Variants in YWHAQ observed in about 807,000 individuals in gnomAD.
YWHAQ encodes tyrosine 3-monooxygenase/tryptophan 5-monooxygenase activation protein theta, also known as 14-3-3 protein theta.
In YWHAQ, 6 loss-of-function variants were observed where a neutral mutation model predicts 28.3. That is an observed-to-expected ratio of 0.21 (90% CI 0.12 to 0.42). The LOEUF (loss-of-function observed/expected upper bound fraction) is 0.42. Ranked by LOEUF, YWHAQ falls within the 10% of genes least tolerant of loss-of-function variation. The probability of loss-of-function intolerance (pLI) is 1.00; values close to 1 mark genes in which losing one functional copy is unlikely to be tolerated. For missense variants in YWHAQ, 201 were observed against 305.6 expected, an observed-to-expected ratio of 0.66 and a Z score of 2.55; for synonymous variants, 143 against 119.1, an observed-to-expected ratio of 1.20 and a Z score of -1.31.
chr2:9,591,392 G>A lies in YWHAQ; in HGVS notation c.418C>T (p.Gln140Ter), dbSNP rs769768341. Residue 140 changes from glutamine to a stop codon, truncating the protein, a stop_gained and splice_region_variant, in exon 3 of 6, where the codon CAA becomes TAA. Coordinates refer to ENST00000238081, the MANE Select transcript of YWHAQ (RefSeq NM_006826.4). LOFTEE classifies it high-confidence loss of function. ...AEVACGDDRK[Q>*]TIDNSQGAYQ... is the part of the protein sequence containing the mutation. ...TTGCCCATATAACAAATAAACTTAC[G>A]TTTTCGATCATCACCACACGCAACT... 3 of 1,606,904 alleles carry A rather than the reference G, an allele frequency of 1.9e-6. No individual in the cohort carries two copies. The highest frequency in any genetic ancestry group is 1.7e-5 in the Admixed American group (1 of 59,810).
Position 9,613,830 on chromosome 2 carries a change from A to G in YWHAQ, c.294+16329T>C, listed in dbSNP as rs371933926. On this transcript the variant is annotated intron_variant, in intron 2 of 5. Transcript: ENST00000238081. ...AACCACGTAAAAAAAATAAAGATGT[A>G]GTTGAGGAAAAATGTTCACCCTGTC... Among the ~76,000 whole-genome samples, 3 of 152,264 alleles carry G rather than the reference A, an allele frequency of 2.0e-5. No individual in the cohort carries two copies. The East Asian group carries it at 5.8e-4, about 29-fold the overall frequency.
chr2:9,627,827 T>C, intron 2 of YWHAQ, among the ~76,000 whole-genome samples: 1 of 152,138 alleles, frequency 6.6e-6, no homozygotes, highest in East Asian at 1.9e-4. Context: ...CGACACACTG[T>C]TCCCCGAACA....
chr2:9,604,100 C>G (rs1405482885), intron 2 of YWHAQ, among the ~76,000 whole-genome samples: 1 of 152,098 alleles, frequency 6.6e-6, no homozygotes, highest in Non-Finnish European at 1.5e-5. Flanking sequence ...TGACCTCTGT[C>G]CAAAGTCAGT....
chr2:9,599,887 T>C (rs1187478171), intron 2 of YWHAQ, among the ~76,000 whole-genome samples: 2 of 152,202 alleles, frequency 1.3e-5, no homozygotes, highest in African/African-American at 2.4e-5. Flanking sequence ...ATAGCTGTCA[T>C]AGACAGTGGT....
At chr2:9,606,131 G>A (rs1666823271) in intron 2 of YWHAQ, among the ~76,000 whole-genome samples, 1 of 152,132 alleles carries the variant, frequency 6.6e-6, no homozygotes, top group Non-Finnish European at 1.5e-5. Flanking sequence ...TTCCAACTAT[G>A]CACCAAATGT....
chr2:9,621,379 G>C (rs1157549986), intron 2 of YWHAQ, among the ~76,000 whole-genome samples: 1 of 152,108 alleles, frequency 6.6e-6, no homozygotes, highest in East Asian at 1.9e-4. Context: ...CAAGACACAG[G>C]CTACACACTA....
In YWHAQ at chr2:9,613,170, T is replaced by C. The variant is rs1260474675; in HGVS notation, c.294+16989A>G. ...AAAATATTTTTTTTAAAAAGTGTTA[T>C]TGGGCCTTCATATGGAGCACTCATT... is the stretch of plus-strand genomic sequence containing the variant. On this transcript the variant is annotated intron_variant, in intron 2 of 5. Coordinates refer to ENST00000238081, the MANE Select transcript of YWHAQ (RefSeq NM_006826.4). Among the ~76,000 whole-genome samples the C allele has an allele frequency of 2.6e-5, 4 of 152,212 alleles. No homozygotes were observed. The East Asian group carries it at 5.8e-4, about 22-fold the overall frequency.
intron 3 of YWHAQ, 32 bp downstream of exon 3, chr2:9,591,360 T>A: frequency 6.3e-7 from 1 of 1,591,804 alleles, no homozygotes; most frequent in Non-Finnish European, 8.6e-7. Context: ...TTTTTTATAT[T>A]CTACTTTTGC....
At chr2:9,613,843 T>G (rs1355434065) in intron 2 of YWHAQ, among the ~76,000 whole-genome samples, 1 of 152,098 alleles carries the variant, frequency 6.6e-6, no homozygotes, top group African/African-American at 2.4e-5. Context: ...TGAGGAAAAA[T>G]GTTCACCCTG....
intron 2 of YWHAQ, among the ~76,000 whole-genome samples, chr2:9,619,165 C>T (rs1390755611): frequency 6.6e-6 from 1 of 152,066 alleles, no homozygotes; most frequent in Non-Finnish European, 1.5e-5. Context: ...AGTTTATAAA[C>T]ATTTACCAGG....
At position 9,620,746 on chromosome 2, in the gene YWHAQ, C is replaced by T. The variant is rs180956284; in HGVS notation, c.294+9413G>A. On this transcript the variant is annotated intron_variant, in intron 2 of 5. Transcript: ENST00000238081. ...TTATCACATCTGTGATTTTCCTGGT[C>T]TTCAAACCTATATTCCTAGGGATAA... 3.9e-5 allele frequency: 6 copies of T among 152,246 alleles called. No homozygotes were observed. In the East Asian group the frequency reaches 9.7e-4, roughly 25 times the overall value. The allele number at this position is 152,246 out of a possible 1,614,324, so 9.4% of individuals were successfully genotyped here. A position where few individuals can be genotyped will look rare whatever the true frequency, so the allele number is the denominator to read the frequency against.
Position 9,630,336 on chromosome 2 carries a change from C to T in YWHAQ, c.117G>A (p.Glu39=), listed in dbSNP as rs372978538. The change falls in exon 2 of 6, where the codon GAG becomes GAA. Residue 39 remains glutamate, a synonymous_variant. Coordinates refer to ENST00000238081, the MANE Select transcript of YWHAQ (RefSeq NM_006826.4). The surrounding 1 kb of genome is among the most constrained non-coding windows in gnomAD (Gnocchi z 5.6). Reference sequence around the variant, plus strand: ...AGGCCACGGAGAGCAGGTTGCGCTCCTCGTTGGACAGCTCGGCGCCCTGCT... The same window carrying T: ...AGGCCACGGAGAGCAGGTTGCGCTCTTCGTTGGACAGCTCGGCGCCCTGCT... The part of the protein sequence containing the change: ...VTEQGAELSN[E]ERNLLSVAYK... 3.1e-6 allele frequency: 5 copies of T among 1,614,034 alleles called. No individual in the cohort carries two copies. The highest frequency in any genetic ancestry group is 3.4e-6 in the Non-Finnish European group (4 of 1,180,036).
At chr2:9,619,332 TG>T (rs1667095019) in intron 2 of YWHAQ, among the ~76,000 whole-genome samples, 1 of 152,196 alleles carries the variant, frequency 6.6e-6, no homozygotes, top group Admixed American at 6.5e-5. Flanking sequence ...AAATCCTACC[TG>T]CTGAGTTATT....
intron 2 of YWHAQ, among the ~76,000 whole-genome samples, chr2:9,624,331 GA>G (rs1326922434): frequency 4.6e-5 from 7 of 152,142 alleles, no homozygotes; most frequent in African/African-American, 1.7e-4. Flanking sequence ...GTGAACTGTA[GA>G]GTTTGAACAG....
At chr2:9,596,965 C>CA (rs1368147206) in intron 2 of YWHAQ, among the ~76,000 whole-genome samples, 4 of 151,310 alleles carry the variant, frequency 2.6e-5, no homozygotes, top group African/African-American at 9.7e-5. Context: ...ATCAGTAAAA[C>CA]AAAAAAGGGA....
intron 2 of YWHAQ, among the ~76,000 whole-genome samples, chr2:9,607,031 C>T (rs981803240): frequency 2.0e-5 from 3 of 149,662 alleles, no homozygotes; most frequent in Admixed American, 6.7e-5. Context: ...ATTACACGTG[C>T]GCGACACCAT....
chr2:9,602,846 AAAAAAAAAAAAAAAAAAT>A (rs1351018185), intron 2 of YWHAQ, among the ~76,000 whole-genome samples: 8 of 41,788 alleles, frequency 1.9e-4, no homozygotes, highest in Non-Finnish European at 2.8e-4. Flanking sequence ...AAAAAAAAAA[AAAAAAAAAAAAAAAAAAT>A]ATATATATAT....
chr2:9,628,645 C>T (rs1348759431), intron 2 of YWHAQ: 1 of 152,204 alleles, frequency 6.6e-6, no homozygotes, highest in Non-Finnish European at 1.5e-5. Context: ...CCCTTGGTAA[C>T]AGATAATGCT....
chr2:9,619,731 G>A (rs959353011), intron 2 of YWHAQ, among the ~76,000 whole-genome samples: 2 of 152,160 alleles, frequency 1.3e-5, no homozygotes, highest in Non-Finnish European at 2.9e-5. Flanking sequence ...TTTTAAATCC[G>A]TAATGTAACC....
Sources: allele counts gnomAD v4.1 joint callset (sites outside exome capture counted in the v4.1 genomes callset), GRCh38; gene constraint gnomAD v4.1.1; non-coding constraint Gnocchi (gnomAD v3.1); transcripts MANE v1.5; gene names NCBI Gene and HGNC (gene_info 2026-07-23, HGNC 2026-07-21).